METTL15: variants seen among roughly 807,000 people sequenced by gnomAD.
METTL15 encodes 12S rRNA N(4)-cytidine methyltransferase METTL15.
In METTL15, 34 loss-of-function variants were observed where a neutral mutation model predicts 38.3. The observed-to-expected ratio is 0.89, with a 90% CI of 0.68 to 1.18. The LOEUF is 1.18. Ranked by LOEUF, METTL15 falls within the 50% of genes most tolerant of loss-of-function variation. METTL15 has a pLI of 0.00. For synonymous variants in METTL15, 162 were observed against 170.9 expected (o/e 0.95, Z 0.41); for missense variants, 438 against 498.4 (o/e 0.88, Z 1.15).
At chr11:28,432,269 G>A (rs922975053) in intron 6 of METTL15, among the ~76,000 whole-genome samples, 2 of 152,134 alleles carry the variant, frequency 1.3e-5, no homozygotes, top group South Asian at 4.1e-4. Flanking sequence ...TAACTGTTTT[G>A]TATTGTCTTC....
chr11:28,294,844 T>C (rs952105182), intron 5 of METTL15, among the ~76,000 whole-genome samples: 13 of 152,166 alleles, frequency 8.5e-5, no homozygotes, highest in African/African-American at 3.1e-4. Context: ...ATATGTATTG[T>C]CCAATTATTT....
intron 6 of METTL15, among the ~76,000 whole-genome samples, chr11:28,457,217 G>A (rs941028663): frequency 6.6e-6 from 1 of 152,186 alleles, no homozygotes; most frequent in African/African-American, 2.4e-5. Flanking sequence ...TTGCACATAT[G>A]TGCAATGTAA....
chr11:28,217,699 A>G (rs971093513), intron 4 of METTL15, among the ~76,000 whole-genome samples: 2 of 152,090 alleles, frequency 1.3e-5, no homozygotes, highest in East Asian at 1.9e-4. Context: ...TAGGTCTACC[A>G]TTTAAGTCTT....
At chr11:28,402,916 A>G (rs948580570) in intron 5 of METTL15, among the ~76,000 whole-genome samples, 6 of 151,894 alleles carry the variant, frequency 4.0e-5, no homozygotes, top group African/African-American at 9.7e-5. Context: ...GCTCCCACTT[A>G]TAAGTGAAAC....
intron 6 of METTL15, chr11:28,517,320 G>GT (rs1194904185): frequency 6.6e-6 from 1 of 151,966 alleles, no homozygotes; most frequent in African/African-American, 2.4e-5. Flanking sequence ...TGAAAGGTAG[G>GT]TTTTTTAATT....
At chr11:28,448,850 ATG>A (rs1851096089) in intron 6 of METTL15, among the ~76,000 whole-genome samples, 4 of 120,256 alleles carry the variant, frequency 3.3e-5, no homozygotes, top group African/African-American at 1.0e-4. Flanking sequence ...TTGAAAATAA[ATG>A]TATAATATTT....
At position 28,211,152 on chromosome 11, in the gene METTL15, G is replaced by C; in HGVS notation, c.361G>C (p.Asp121His). ...TATTGTTCTCTATGCCTTGGACAGA[G>C]ACCCAACAGCTTATGCATTAGCTGA... ...SDIVLYALDR[D>H]PTAYALAEHL... Residue 121 changes from aspartate (D) to histidine (H), a missense_variant, in exon 4 of 7, where the codon GAC becomes CAC. Asp to His is a moderately conservative substitution (Grantham distance 81, BLOSUM62 -1). Transcript: ENST00000407364. 6.2e-7 allele frequency: 1 copy of C among 1,612,706 alleles called. No individual in the cohort carries two copies. Among genetic ancestry groups the C allele is most frequent in the South Asian group, 1.1e-5 (1 of 90,890 alleles).
intron 3 of METTL15, among the ~76,000 whole-genome samples, chr11:28,127,276 G>T (rs752425828): frequency 1.3e-5 from 2 of 151,982 alleles, no homozygotes; most frequent in Non-Finnish European, 2.9e-5. Flanking sequence ...ATTTGAGGGA[G>T]ATTTAAGAGG....
intron 6 of METTL15, among the ~76,000 whole-genome samples, chr11:28,298,476 T>C (rs932859524): frequency 1.2e-4 from 19 of 152,106 alleles, no homozygotes; most frequent in African/African-American, 4.6e-4. Flanking sequence ...AATAGTAATC[T>C]AGAATTCAGA....
intron 5 of METTL15, among the ~76,000 whole-genome samples, chr11:28,394,931 A>T (rs536497327): frequency 1.3e-5 from 2 of 152,084 alleles, no homozygotes; most frequent in African/African-American, 4.8e-5. Context: ...TTCATTCAAA[A>T]CAATCATATT....
chr11:28,159,773 T>C (rs1590836263), intron 3 of METTL15, among the ~76,000 whole-genome samples: 1 of 152,196 alleles, frequency 6.6e-6, no homozygotes, highest in Non-Finnish European at 1.5e-5. Context: ...TTTCCAGTTG[T>C]ACGAAGAATA....
At chr11:28,278,195 C>T (rs973721211) in intron 4 of METTL15, among the ~76,000 whole-genome samples, 2 of 151,894 alleles carry the variant, frequency 1.3e-5, no homozygotes, top group Non-Finnish European at 2.9e-5. Context: ...AGAGAGAATT[C>T]GTGTGGGTGT....
chr11:28,345,019 T>G (rs1232387154), intron 3 of METTL15, among the ~76,000 whole-genome samples: 1 of 152,208 alleles, frequency 6.6e-6, no homozygotes, highest in Non-Finnish European at 1.5e-5. Flanking sequence ...AGTGTTTATT[T>G]TACACTTACA....
At chr11:28,399,982 G>A (rs1850614881) in intron 5 of METTL15, among the ~76,000 whole-genome samples, 1 of 151,818 alleles carries the variant, frequency 6.6e-6, no homozygotes, top group African/African-American at 2.4e-5. Flanking sequence ...ATATTTGTAT[G>A]AACTTTTAAG....
At chr11:28,415,306 G>T (rs944366186) in intron 5 of METTL15, among the ~76,000 whole-genome samples, 4 of 152,118 alleles carry the variant, frequency 2.6e-5, no homozygotes, top group East Asian at 1.9e-4. Flanking sequence ...CAGTAGATTT[G>T]GTTATCTAGG....
intron 6 of METTL15, among the ~76,000 whole-genome samples, chr11:28,445,445 A>G (rs1181600319): frequency 1.3e-5 from 2 of 152,136 alleles, no homozygotes; most frequent in African/African-American, 4.8e-5. Context: ...GAAACTGGAC[A>G]TTGATACAAC....
At chr11:28,279,672 A>G (rs1478700829) in intron 4 of METTL15, among the ~76,000 whole-genome samples, 1 of 152,102 alleles carries the variant, frequency 6.6e-6, no homozygotes, top group East Asian at 1.9e-4. Flanking sequence ...AGGCCGAGGC[A>G]GGTGGATCAC....
At chr11:28,289,788 C>CT (rs1304757066) in intron 4 of METTL15, among the ~76,000 whole-genome samples, 2 of 152,048 alleles carry the variant, frequency 1.3e-5, no homozygotes, top group Non-Finnish European at 2.9e-5. Flanking sequence ...TATTTGACAT[C>CT]TTTTTTATGA....
At chr11:28,366,153 A>G (rs1438492931) in intron 5 of METTL15, among the ~76,000 whole-genome samples, 1 of 152,110 alleles carries the variant, frequency 6.6e-6, no homozygotes, top group Non-Finnish European at 1.5e-5. Flanking sequence ...CTGGTCATAG[A>G]TCATCTGGAA....
Sources: gnomAD v4.1 joint callset for allele counts (sites outside exome capture counted in the v4.1 genomes callset) on GRCh38, gnomAD v4.1.1 for gene constraint, MANE v1.5 for transcripts, NCBI Gene and HGNC (gene_info 2026-07-23, HGNC 2026-07-21) for gene names.